Variants in TRAPPC9 observed in about 807,000 individuals in gnomAD.
The protein encoded by TRAPPC9 is trafficking protein particle complex subunit 9, also known as IKK2 binding protein.
A neutral mutation model predicts 124.0 loss-of-function variants in TRAPPC9; 83 were observed. The observed-to-expected ratio is 0.67, with a 90% confidence interval of 0.56 to 0.80. TRAPPC9 has a LOEUF of 0.80. Ranked by LOEUF, TRAPPC9 falls within the 30% of genes least tolerant of loss-of-function variation. The pLI is 0.00. For missense variants in TRAPPC9, 1,302 were observed against 1,508.3 expected (o/e 0.86, Z 2.27); for synonymous variants, 638 against 617.5 (o/e 1.03, Z -0.49).
At chr8:140,167,819 A>T (rs2061873390) in intron 17 of TRAPPC9, among the ~76,000 whole-genome samples, 1 of 152,244 alleles carries the variant, frequency 6.6e-6, no homozygotes, top group African/African-American at 2.4e-5. Context: ...GACAGTAATT[A>T]AATGGGAACA....
intron 17 of TRAPPC9, among the ~76,000 whole-genome samples, chr8:140,210,924 C>T (rs111928973): frequency 2.0e-5 from 3 of 152,316 alleles, no homozygotes; most frequent in African/African-American, 7.2e-5. Flanking sequence ...TTCTGCTGCT[C>T]CCCAGGCCCC....
At chr8:139,948,022 C>T (rs1449044107) in intron 19 of TRAPPC9, among the ~76,000 whole-genome samples, 2 of 150,672 alleles carry the variant, frequency 1.3e-5, no homozygotes, top group African/African-American at 4.9e-5. Flanking sequence ...GTTCTGTCCA[C>T]TGGCACTTGC....
chr8:140,384,106 C>A (rs1014947568), intron 7 of TRAPPC9, among the ~76,000 whole-genome samples: 7 of 152,042 alleles, frequency 4.6e-5, no homozygotes, highest in Admixed American at 2.6e-4. Flanking sequence ...TACAGACAAG[C>A]AAATGCTGAG....
intron 10 of TRAPPC9, among the ~76,000 whole-genome samples, chr8:140,307,027 A>G (rs2066156543): frequency 6.6e-6 from 1 of 152,072 alleles, no homozygotes; most frequent in Non-Finnish European, 1.5e-5. Context: ...GGAACTACAC[A>G]CGGTCTCCTT....
intron 9 of TRAPPC9, among the ~76,000 whole-genome samples, chr8:140,349,192 C>T (rs150229602): frequency 0.017 from 1,697 of 100,358 alleles, 34 homozygotes; most frequent in Non-Finnish European, 0.025. Flanking sequence ...ACCAGGGGGC[C>T]GAAGGAGGCG....
At chr8:139,772,454 A>T (rs1437774942) in intron 21 of TRAPPC9, among the ~76,000 whole-genome samples, 1 of 152,160 alleles carries the variant, frequency 6.6e-6, no homozygotes, top group Non-Finnish European at 1.5e-5. Context: ...AGCCATCGCC[A>T]TGGCCACCAT....
intron 1 of TRAPPC9, among the ~76,000 whole-genome samples, chr8:140,451,849 G>T (rs1232282023): frequency 6.6e-6 from 1 of 152,158 alleles, no homozygotes; most frequent in African/African-American, 2.4e-5. Flanking sequence ...GGCCGGGCAT[G>T]GTGGCTCATG....
intron 15 of TRAPPC9, among the ~76,000 whole-genome samples, chr8:140,271,137 G>A (rs2064865254): frequency 6.6e-6 from 1 of 152,210 alleles, no homozygotes. Context: ...TAGCTTGCTT[G>A]TTCAAGTATC....
chr8:140,343,923 T>C (rs945577838), intron 9 of TRAPPC9, among the ~76,000 whole-genome samples: 2 of 152,076 alleles, frequency 1.3e-5, no homozygotes, highest in Non-Finnish European at 2.9e-5. Context: ...AGAGAGGAAC[T>C]AACAGCTGTC....
chr8:140,093,121 C>A (rs1844683661), intron 17 of TRAPPC9, among the ~76,000 whole-genome samples: 1 of 152,080 alleles, frequency 6.6e-6, no homozygotes, highest in Non-Finnish European at 1.5e-5. Flanking sequence ...AAAATCCTTG[C>A]CATTGGAAGA....
chr8:139,962,992 G>A (rs188196409), intron 19 of TRAPPC9, among the ~76,000 whole-genome samples: 101 of 152,288 alleles, frequency 6.6e-4, no homozygotes, highest in Non-Finnish European at 1.2e-3. Flanking sequence ...CTGACCCCCA[G>A]GAGTGGAAAA....
At chr8:140,413,369 C>G (rs1290384657) in intron 5 of TRAPPC9, among the ~76,000 whole-genome samples, 1 of 151,936 alleles carries the variant, frequency 6.6e-6, no homozygotes, top group African/African-American at 2.4e-5. Flanking sequence ...GCCTGGGCAA[C>G]AAAAGCGAGA....
rs1036678963 is a variant in TRAPPC9, at chr8:139,829,848, C to T, written c.3055+56031G>A. On this transcript the variant is annotated intron_variant, in intron 21 of 22. Transcript: ENST00000438773. ...TTCTAAACCAGGAGACTGTGGCTCA[C>T]AGAGGTCAATGGCTGGCCAAGGTCA... 2.6e-5 allele frequency among the ~76,000 whole-genome samples: 4 copies of T among 152,286 alleles called. 1 individual carries two copies. Among genetic ancestry groups the T allele is most frequent in the African/African-American group, 9.6e-5 (4 of 41,550 alleles).
chr8:140,028,409 G>C (rs556901998), intron 17 of TRAPPC9, among the ~76,000 whole-genome samples: 1 of 152,286 alleles, frequency 6.6e-6, no homozygotes, highest in East Asian at 1.9e-4. Flanking sequence ...TTTTATTAAA[G>C]AGTACCTACT....
intron 21 of TRAPPC9, among the ~76,000 whole-genome samples, chr8:139,850,964 A>G (rs574650309): frequency 1.1e-4 from 17 of 152,344 alleles, no homozygotes; most frequent in Non-Finnish European, 2.4e-4. Flanking sequence ...AAAAGAGATC[A>G]TCGTGTAAAA....
intron 21 of TRAPPC9, among the ~76,000 whole-genome samples, chr8:139,884,039 T>C (rs1012484160): frequency 1.3e-5 from 2 of 152,180 alleles, no homozygotes; most frequent in African/African-American, 4.8e-5. Flanking sequence ...TAGGGCGGCA[T>C]GGACCTCTCC....
At position 140,329,798 on chromosome 8, in the gene TRAPPC9, C is replaced by T. The variant is rs183023993; in HGVS notation, c.1496-18424G>A. ...GCTAAATTATATTCAAACTCAATAC[C>T]GGCCAGGCATGGTGGCTCACACCTG... On this transcript the variant is annotated intron_variant, in intron 9 of 22. Coordinates refer to ENST00000438773, the MANE Select transcript of TRAPPC9 (RefSeq NM_001160372.4). Among the ~76,000 whole-genome samples, 211 of 152,126 alleles carry T rather than the reference C, an allele frequency of 1.4e-3. 1 individual carries two copies. Among genetic ancestry groups the T allele is most frequent in the Non-Finnish European group, 2.3e-3 (154 of 67,984 alleles).
intron 17 of TRAPPC9, among the ~76,000 whole-genome samples, chr8:140,031,058 T>A (rs1587538791): frequency 6.6e-6 from 1 of 152,184 alleles, no homozygotes; most frequent in African/African-American, 2.4e-5. Flanking sequence ...TTAATAGACA[T>A]ACAATCACTC....
intron 19 of TRAPPC9, chr8:139,914,983 CG>C (rs1832021211): frequency 6.6e-6 from 1 of 152,228 alleles, no homozygotes. Context: ...GACTCGGAAC[CG>C]TGGCTGATGC....
Sources: allele counts gnomAD v4.1 joint callset (sites outside exome capture counted in the v4.1 genomes callset), GRCh38; gene constraint gnomAD v4.1.1; transcripts MANE v1.5; gene names NCBI Gene and HGNC (gene_info 2026-07-23, HGNC 2026-07-21).